SENP6: variants seen among roughly 807,000 people sequenced by gnomAD.
The protein encoded by SENP6 is sentrin-specific protease 6.
In SENP6, 41 loss-of-function variants were observed where a neutral mutation model predicts 134.5. The observed-to-expected ratio is 0.30, with a 90% confidence interval of 0.24 to 0.40. The LOEUF is 0.40. Among genes scored for constraint, SENP6 ranks in the 10% least tolerant of loss-of-function variants. SENP6 has a pLI of 1.00. For missense variants in SENP6, 1,248 were observed against 1,312.5 expected (o/e 0.95, Z 0.76); for synonymous variants, 395 against 429.8 (o/e 0.92, Z 1.00).
intron 5 of SENP6, chr6:75,635,182 T>A (rs997701549): frequency 3.9e-6 from 1 of 259,362 alleles, no homozygotes; most frequent in Non-Finnish European, 7.7e-6. Flanking sequence ...ATAAGGCTTA[T>A]AAGAGTTCAT....
intron 8 of SENP6, among the ~76,000 whole-genome samples, 193 bp from the exon 9 acceptor site, chr6:75,663,028 A>G (rs1771901705): frequency 1.3e-5 from 2 of 152,206 alleles, no homozygotes; most frequent in Non-Finnish European, 2.9e-5. Context: ...CCATGATGGT[A>G]ATGATGGGGA....
At chr6:75,691,255 G>T (rs1448282185) in intron 16 of SENP6, among the ~76,000 whole-genome samples, 19 of 151,658 alleles carry the variant, frequency 1.3e-4, no homozygotes, top group Admixed American at 1.2e-3. Flanking sequence ...TGATCCTCCT[G>T]CCTCAGCCTC....
chr6:75,658,567 T>G (rs1771518936), intron 7 of SENP6, among the ~76,000 whole-genome samples: 1 of 152,016 alleles, frequency 6.6e-6, no homozygotes, highest in South Asian at 2.1e-4. Flanking sequence ...CATCAAATCA[T>G]TTAAACATTA....
At chr6:75,685,778 A>G (rs1024917476) in intron 16 of SENP6, among the ~76,000 whole-genome samples, 9 of 152,106 alleles carry the variant, frequency 5.9e-5, no homozygotes, top group Admixed American at 2.6e-4. Context: ...TGTGATTTCT[A>G]TTCTTTTACA....
chr6:75,662,512 CTA>C (rs1771864614), intron 8 of SENP6, among the ~76,000 whole-genome samples: 1 of 152,150 alleles, frequency 6.6e-6, no homozygotes. Context: ...GTATTCTCTA[CTA>C]AAACAGAGCA....
At chr6:75,625,666 C>T (rs748125856) in intron 3 of SENP6, among the ~76,000 whole-genome samples, 1 of 152,110 alleles carries the variant, frequency 6.6e-6, no homozygotes, top group Admixed American at 6.5e-5. Flanking sequence ...GTCAGTAGTT[C>T]GAGACCAGCC....
At chr6:75,654,699 A>G (rs892768931) in intron 7 of SENP6, among the ~76,000 whole-genome samples, 8 of 152,256 alleles carry the variant, frequency 5.3e-5, no homozygotes, top group African/African-American at 1.2e-4. Context: ...TTTGTATTCT[A>G]TCACTGTCGT....
chr6:75,653,026 TTTC>T (rs1562008919), intron 7 of SENP6, among the ~76,000 whole-genome samples: 1 of 124,496 alleles, frequency 8.0e-6, no homozygotes, highest in African/African-American at 2.9e-5. Context: ...CTGTTACTTT[TTTC>T]TTTTCTTTTT....
At chr6:75,702,072 C>A (rs1026248675) in intron 18 of SENP6, among the ~76,000 whole-genome samples, 4 of 150,906 alleles carry the variant, frequency 2.7e-5, no homozygotes, top group African/African-American at 9.8e-5. Flanking sequence ...AACAAGAAAG[C>A]GTTCAGGGAT....
At chr6:75,678,999 G>T in intron 16 of SENP6, 72 bp downstream of exon 16, 1 of 768,192 alleles carries the variant, frequency 1.3e-6, no homozygotes, top group Non-Finnish European at 2.1e-6. Context: ...TTGTTTTCCA[G>T]AGTCAGGCTT....
At chr6:75,617,974 A>C (rs918322808) in intron 1 of SENP6, among the ~76,000 whole-genome samples, 4 of 152,238 alleles carry the variant, frequency 2.6e-5, no homozygotes, top group African/African-American at 9.6e-5. Context: ...AAAGGATCAC[A>C]GTGCTGAAGT....
At chr6:75,680,154 C>T (rs1447299817) in intron 16 of SENP6, among the ~76,000 whole-genome samples, 1 of 152,024 alleles carries the variant, frequency 6.6e-6, no homozygotes, top group African/African-American at 2.4e-5. Flanking sequence ...AGTAGTACTC[C>T]AGGACTAATT....
chr6:75,651,505 C>A (rs1040623954), intron 7 of SENP6, among the ~76,000 whole-genome samples: 1 of 152,126 alleles, frequency 6.6e-6, no homozygotes, highest in Non-Finnish European at 1.5e-5. Flanking sequence ...CGCATGCTGC[C>A]ACATCCAGCT....
intron 9 of SENP6, 55 bp downstream of exon 9, chr6:75,663,573 A>T (rs557790656): frequency 7.4e-7 from 1 of 1,359,884 alleles, no homozygotes; most frequent in Admixed American, 2.3e-5. Flanking sequence ...TTTTTCAGAT[A>T]TATTTTTACA....
intron 9 of SENP6, among the ~76,000 whole-genome samples, chr6:75,665,086 A>G (rs1457524271): frequency 2.6e-5 from 4 of 152,158 alleles, no homozygotes; most frequent in Non-Finnish European, 5.9e-5. Context: ...GGAGATCAAG[A>G]CCATCCTGGT....
At chr6:75,687,258 A>C (rs1773911778) in intron 16 of SENP6, among the ~76,000 whole-genome samples, 1 of 152,110 alleles carries the variant, frequency 6.6e-6, no homozygotes, top group African/African-American at 2.4e-5. Context: ...AGGTCATTTA[A>C]GGTCTTCTCT....
chr6:75,608,712 A>C (rs188412385), intron 1 of SENP6, among the ~76,000 whole-genome samples: 169 of 152,302 alleles, frequency 1.1e-3, no homozygotes, highest in African/African-American at 3.8e-3. Context: ...GCTATATAAC[A>C]AGGGTAATAA....
intron 3 of SENP6, among the ~76,000 whole-genome samples, chr6:75,627,131 T>C (rs568538779): frequency 1.6e-4 from 24 of 152,206 alleles, no homozygotes; most frequent in Non-Finnish European, 3.2e-4. Flanking sequence ...ACCAGCTAAC[T>C]TTTGTATTTT....
rs1769279214 is a variant in SENP6 at position 75,633,619 on chromosome 6, T to A, written c.246T>A (p.Gly82=). ...RRSEIVANSS[G]EFILKTYVRR... ...CTGAAATTGTTGCTAATAGCTCTGG[T>A]GAATTCATCTTGAAGACATATGTAA... The change falls in exon 4 of 24, where the codon GGT becomes GGA. Residue 82 remains glycine (G), a synonymous_variant. Coordinates refer to ENST00000447266, the MANE Select transcript of SENP6 (RefSeq NM_015571.4). 6.2e-7 allele frequency: 1 copy of A among 1,606,748 alleles called. No homozygotes were observed. The highest frequency in any genetic ancestry group is 1.7e-5 in the Admixed American group (1 of 58,158).
Sources: gnomAD v4.1 joint callset for allele counts (sites outside exome capture counted in the v4.1 genomes callset) on GRCh38, gnomAD v4.1.1 for gene constraint, MANE v1.5 for transcripts, NCBI Gene and HGNC (gene_info 2026-07-23, HGNC 2026-07-21) for gene names.